Variants in GRM7 observed in about 807,000 individuals in gnomAD.
GRM7 encodes the protein glutamate metabotropic receptor 7, also known as metabotropic glutamate receptor 7.
Under a neutral mutation model 84.5 loss-of-function variants are expected in GRM7, and 35 were observed. That is an observed-to-expected ratio of 0.41 (90% CI 0.32 to 0.55). GRM7 has a LOEUF of 0.55. Among genes scored for constraint, GRM7 ranks in the 20% least tolerant of loss-of-function variants. The probability of loss-of-function intolerance (pLI) is 0.19; values close to 1 mark genes in which losing one functional copy is unlikely to be tolerated. For synonymous variants in GRM7, 487 were observed against 455.1 expected, an observed-to-expected ratio of 1.07 and a Z score of -0.89; for missense variants, 1,003 against 1,194.6, an observed-to-expected ratio of 0.84 and a Z score of 2.36.
At chr3:7,599,527 G>T (rs1696214679) in intron 8 of GRM7, among the ~76,000 whole-genome samples, 1 of 152,104 alleles carries the variant, frequency 6.6e-6, no homozygotes, top group African/African-American at 2.4e-5. Context: ...AGAAGTAGGT[G>T]TTTGTCTCCG....
intron 2 of GRM7, among the ~76,000 whole-genome samples, chr3:7,238,432 A>AT (rs113085164): frequency 0.041 from 6,211 of 151,870 alleles, 437 homozygotes; most frequent in African/African-American, 0.14. Context: ...CTAGAAAGCT[A>AT]TTTTTTCACC....
intron 2 of GRM7, among the ~76,000 whole-genome samples, chr3:7,290,736 C>G (rs1315624778): frequency 6.6e-6 from 1 of 152,162 alleles, no homozygotes; most frequent in African/African-American, 2.4e-5. Context: ...GCTTATCTCT[C>G]CATGTTCCCC....
intron 8 of GRM7, chr3:7,591,442 C>G (rs1465613796): frequency 2.2e-6 from 1 of 444,780 alleles, no homozygotes; most frequent in East Asian, 7.1e-5. Context: ...CCAAAGTGAT[C>G]AAATCTTTTA....
intron 7 of GRM7, among the ~76,000 whole-genome samples, chr3:7,469,032 C>T (rs541191378): frequency 2.2e-4 from 34 of 152,316 alleles, no homozygotes; most frequent in African/African-American, 7.9e-4. Flanking sequence ...TATTTTTCTG[C>T]ACCCCCAAGC....
intron 1 of GRM7, among the ~76,000 whole-genome samples, chr3:6,970,936 C>T (rs548912714): frequency 2.0e-5 from 3 of 152,032 alleles, no homozygotes; most frequent in East Asian, 3.9e-4. Flanking sequence ...GAGCCAAGAT[C>T]GTACGACTAC....
chr3:7,718,707 C>A (rs1701843159), intron 9 of GRM7, among the ~76,000 whole-genome samples: 1 of 152,130 alleles, frequency 6.6e-6, no homozygotes, highest in Non-Finnish European at 1.5e-5. Flanking sequence ...TCTGCCAAGT[C>A]AACAGTCTAG....
At chr3:6,885,281 C>A (rs1271941682) in intron 1 of GRM7, among the ~76,000 whole-genome samples, 1 of 152,186 alleles carries the variant, frequency 6.6e-6, no homozygotes, top group Admixed American at 6.5e-5. Context: ...CCCTAGGCAG[C>A]GTGCCCAGCT....
At chr3:7,643,340 C>G (rs1575586348) in intron 8 of GRM7, among the ~76,000 whole-genome samples, 1 of 130,758 alleles carries the variant, frequency 7.6e-6, no homozygotes, top group African/African-American at 2.9e-5. Flanking sequence ...ACAAAAAAAA[C>G]AAAACAGGGC....
Position 7,713,121 on chromosome 3 carries a change from TTTG to T in GRM7, c.2699-27233_2699-27231del, listed in dbSNP as rs1160391836. 5.7e-4 allele frequency among the ~76,000 whole-genome samples: 61 copies of T among 106,098 alleles called. 1 individual carries two copies. Among genetic ancestry groups the T allele is most frequent in the African/African-American group, 2.0e-3 (56 of 27,752 alleles). The allele number at this position is 106,098 out of a possible 152,430, so 69.6% of individuals were successfully genotyped here. A position where few individuals can be genotyped will look rare whatever the true frequency, so the allele number is the denominator to read the frequency against. On this transcript the variant is annotated intron_variant, in intron 9 of 9. Coordinates refer to ENST00000357716, the MANE Select transcript of GRM7 (RefSeq NM_000844.4). ...CAGATAGAGAGGATTCGAATTTTGT[TTTG>T]TTTTTTTTTTTTTTTTTTTTTTTTT...
chr3:6,988,230 C>T (rs1404995292), intron 1 of GRM7, among the ~76,000 whole-genome samples: 1 of 139,138 alleles, frequency 7.2e-6, no homozygotes, highest in Admixed American at 7.7e-5. Context: ...AGGATGGTCT[C>T]GATCTCCTGA....
chr3:7,683,453 G>A (rs1363430535), intron 9 of GRM7, among the ~76,000 whole-genome samples: 1 of 152,026 alleles, frequency 6.6e-6, no homozygotes, highest in Non-Finnish European at 1.5e-5. Context: ...TTAGCTCTTT[G>A]GTTATTGTGT....
intron 8 of GRM7, among the ~76,000 whole-genome samples, chr3:7,599,744 G>A (rs989155756): frequency 6.6e-6 from 1 of 152,122 alleles, no homozygotes; most frequent in African/African-American, 2.4e-5. Flanking sequence ...CTGAAAATCA[G>A]GTGGCTTAAT....
At chr3:7,277,208 T>A (rs1116617) in intron 2 of GRM7, among the ~76,000 whole-genome samples, 136,475 of 152,026 alleles carry the variant, frequency 0.9, 61,537 homozygotes, top group East Asian at 0.98. Flanking sequence ...CTTTCACACT[T>A]AACTGGGTAA....
intron 2 of GRM7, among the ~76,000 whole-genome samples, chr3:7,245,439 G>A (rs568717443): frequency 6.6e-6 from 1 of 151,836 alleles, no homozygotes; most frequent in Admixed American, 6.6e-5. Flanking sequence ...AAGAGATAAC[G>A]ACAATAAGCA....
intron 8 of GRM7, among the ~76,000 whole-genome samples, chr3:7,606,447 G>C (rs1696575463): frequency 6.6e-6 from 1 of 152,136 alleles, no homozygotes; most frequent in Non-Finnish European, 1.5e-5. Context: ...GTTAAGATAT[G>C]ACAATAAAAC....
intron 9 of GRM7, among the ~76,000 whole-genome samples, chr3:7,713,795 CTTTT>C (rs60007117): frequency 0.11 from 7,021 of 65,116 alleles, 164 homozygotes; most frequent in African/African-American, 0.15. Flanking sequence ...CGGATGCTTT[CTTTT>C]TTTTTTTTTT....
At chr3:7,239,201 A>G (rs571197694) in intron 2 of GRM7, among the ~76,000 whole-genome samples, 1 of 151,904 alleles carries the variant, frequency 6.6e-6, no homozygotes, top group African/African-American at 2.4e-5. Flanking sequence ...GTGTTTTGCC[A>G]TATTGTCCAG....
intron 7 of GRM7, among the ~76,000 whole-genome samples, chr3:7,502,128 T>C (rs529393310): frequency 4.6e-5 from 7 of 152,260 alleles, no homozygotes; most frequent in East Asian, 1.9e-4. Flanking sequence ...ATCTATAAAA[T>C]CCTAAGTGTA....
intron 1 of GRM7, among the ~76,000 whole-genome samples, chr3:7,067,865 A>G (rs1203220372): frequency 6.6e-6 from 1 of 151,988 alleles, no homozygotes; most frequent in Non-Finnish European, 1.5e-5. Context: ...TTACCTTAAA[A>G]TATCCTCTCT....
Sources: allele counts gnomAD v4.1 joint callset (sites outside exome capture counted in the v4.1 genomes callset), GRCh38; gene constraint gnomAD v4.1.1; transcripts MANE v1.5; gene names NCBI Gene and HGNC (gene_info 2026-07-23, HGNC 2026-07-21).